GFM2: variants seen among roughly 807,000 people sequenced by gnomAD.
The protein encoded by GFM2 is ribosome-releasing factor 2, mitochondrial.
Under a neutral mutation model 95.4 loss-of-function variants are expected in GFM2, and 72 were observed. That is an observed-to-expected ratio of 0.76 (90% CI 0.62 to 0.92). The LOEUF (loss-of-function observed/expected upper bound fraction) is 0.92. GFM2 is among the 40% of genes least tolerant of loss of function. The probability of loss-of-function intolerance (pLI) is 0.00; values close to 1 mark genes in which losing one functional copy is unlikely to be tolerated. For synonymous variants in GFM2, 276 were observed against 317.5 expected, an observed-to-expected ratio of 0.87 and a Z score of 1.39; for missense variants, 825 against 924.1, an observed-to-expected ratio of 0.89 and a Z score of 1.39.
At chr5:74,736,100 G>A (rs963482350) in intron 15 of GFM2, among the ~76,000 whole-genome samples, 3 of 152,220 alleles carry the variant, frequency 2.0e-5, no homozygotes, top group African/African-American at 7.2e-5. Flanking sequence ...CTGGATCCCT[G>A]ATAACATTGT....
chr5:74,758,822 G>T, intron 5 of GFM2, 27 bp downstream of exon 5: 3 of 1,355,294 alleles, frequency 2.2e-6, no homozygotes, highest in Non-Finnish European at 3.2e-6. Flanking sequence ...TAATGGGGGG[G>T]TGGGAAGAGG....
At chr5:74,749,691 A>G (rs956415408) in intron 7 of GFM2, among the ~76,000 whole-genome samples, 13 of 152,208 alleles carry the variant, frequency 8.5e-5, no homozygotes, top group African/African-American at 2.9e-4. Context: ...TATTGCATTC[A>G]GGAAATTTAA....
In GFM2 at chr5:74,721,570, TCCAATAAATAAA is replaced by T; in HGVS notation, c.*73_*84del. On this transcript the variant is annotated 3_prime_UTR_variant, in exon 21 of 21. Transcript: ENST00000296805. ...ATGTACTGAAACAGTACTTTATTCGTCCAATAAATAAAGCAATAAAAATTGTTCTTACTGAAA... is the reference window on the plus strand; with the variant it reads ...ATGTACTGAAACAGTACTTTATTCGTGCAATAAAAATTGTTCTTACTGAAA... 7.3e-7 allele frequency: 1 copy of T among 1,368,216 alleles called. No individual in the cohort carries two copies. The highest frequency in any genetic ancestry group is 1.0e-6 in the Non-Finnish European group (1 of 973,820). 84.8% of individuals were successfully genotyped at this position (1,368,216 alleles called of 1,614,324 possible). A position where few individuals can be genotyped will look rare whatever the true frequency, so the allele number is the denominator to read the frequency against.
intron 1 of GFM2, chr5:74,765,029 A>G (rs1432346155): frequency 7.3e-6 from 5 of 687,616 alleles, no homozygotes; most frequent in African/African-American, 1.9e-5. Flanking sequence ...CAAGTGATCT[A>G]CCCACCTCGG....
chr5:74,737,156 T>C (rs545383366), intron 14 of GFM2, among the ~76,000 whole-genome samples, 171 bp from the exon 15 acceptor site: 12 of 152,334 alleles, frequency 7.9e-5, no homozygotes, highest in African/African-American at 2.9e-4. Flanking sequence ...GTAAAGCTAA[T>C]TTAACTTGCA....
intron 1 of GFM2, among the ~76,000 whole-genome samples, chr5:74,766,547 A>T (rs1744624851): frequency 6.6e-6 from 1 of 152,152 alleles, no homozygotes; most frequent in African/African-American, 2.4e-5. Flanking sequence ...ACTAAATACA[A>T]GTCCACTCAG....
In GFM2 at chr5:74,726,067, T is replaced by G. The variant is rs775994813; in HGVS notation, c.1786A>C (p.Arg596=). 2.5e-6 allele frequency: 4 copies of G among 1,613,266 alleles called. No homozygotes were observed. ...RHLVTVEVEA[R]PIETSSVMPV... Reference sequence around the variant, plus strand: ...ATAACAGATGATGTTTCAATTGGCCTTGCTTCCACTTCTACAGTCACAAGA... The same window carrying G: ...ATAACAGATGATGTTTCAATTGGCCGTGCTTCCACTTCTACAGTCACAAGA... Residue 596 remains arginine (R), a synonymous_variant, in exon 18 of 21, where the codon AGG becomes CGG. Transcript: ENST00000296805.
At position 74,736,805 on chromosome 5, in the gene GFM2, T is replaced by C; in HGVS notation, c.1501A>G (p.Lys501Glu). The C allele has an allele frequency of 6.2e-7, 1 of 1,613,926 alleles. No homozygotes were observed. Among genetic ancestry groups the C allele is most frequent in the Non-Finnish European group, 8.5e-7 (1 of 1,179,814 alleles). ...FCTIEPPSLS[K>E]QPDLEHALKC... is the part of the protein sequence containing the mutation. The stretch of plus-strand genomic sequence containing the variant: ...CTAAGACCATTTATACCTGGCTGCT[T>C]AGACAGTGATGGGGGTTCTATGGTA... The change falls in exon 15 of 21, where the codon AAG becomes GAG. Residue 501 changes from lysine to glutamate, a missense_variant. Coordinates refer to ENST00000296805, the MANE Select transcript of GFM2 (RefSeq NM_032380.5).
In GFM2 at chr5:74,733,086, G is replaced by T; in HGVS notation, c.1523C>A (p.Ala508Glu). 6.2e-7 allele frequency: 1 copy of T among 1,609,190 alleles called. No individual in the cohort carries two copies. Among genetic ancestry groups the T allele is most frequent in the Non-Finnish European group, 8.5e-7 (1 of 1,175,862 alleles). Residue 508 changes from alanine to glutamate, a missense_variant, in exon 16 of 21, where the codon GCG becomes GAG. By Grantham distance (107) the Ala-to-Glu change is moderately radical (BLOSUM62 -1). Transcript: ENST00000296805. ...SLSKQPDLEHALKCLQREDPS... is the reference protein window; with the variant it reads ...SLSKQPDLEHELKCLQREDPS... ...ATCTTCACGCTGAAGACATTTCAACGCATGTTCCAAATCTATGGGATAAAC... is the reference window on the plus strand; with the variant it reads ...ATCTTCACGCTGAAGACATTTCAACTCATGTTCCAAATCTATGGGATAAAC...
At chr5:74,749,110 C>T (rs1242338307) in intron 7 of GFM2, among the ~76,000 whole-genome samples, 1 of 151,688 alleles carries the variant, frequency 6.6e-6, no homozygotes, top group African/African-American at 2.4e-5. Flanking sequence ...CCCTGCTGGG[C>T]TCAAGCAATT....
chr5:74,745,223 T>G (rs1478604479), intron 10 of GFM2, among the ~76,000 whole-genome samples: 1 of 152,098 alleles, frequency 6.6e-6, no homozygotes, highest in African/African-American at 2.4e-5. Flanking sequence ...TGCGTGCCTG[T>G]AATCCCAGCT....
At chr5:74,746,062 A>G in intron 9 of GFM2, 43 bp downstream of exon 9, 1 of 1,343,034 alleles carries the variant, frequency 7.4e-7, no homozygotes, top group Non-Finnish European at 1.0e-6. Flanking sequence ...AAAATAAATT[A>G]ATGAGGAAAC....
intron 1 of GFM2, among the ~76,000 whole-genome samples, chr5:74,766,539 T>C (rs977133786): frequency 6.6e-6 from 1 of 152,170 alleles, no homozygotes; most frequent in Non-Finnish European, 1.5e-5. Flanking sequence ...AGGGGGCCAC[T>C]AAATACAAGT....
Position 74,721,514 on chromosome 5 carries a change from C to T in GFM2, c.*141G>A. 3 of 985,148 alleles carry T rather than the reference C, an allele frequency of 3.0e-6. No individual in the cohort carries two copies. In the South Asian group the frequency reaches 4.2e-5, roughly 14 times the overall value. The allele number at this position is 985,148 out of a possible 1,614,324, so 61.0% of individuals were successfully genotyped here. On this transcript the variant is annotated 3_prime_UTR_variant, in exon 21 of 21. Transcript: ENST00000296805. Reference sequence around the variant, plus strand: ...GGTGGCTCCAGTGCCACTATCAAAGCTTAAGTTATATCTTTTATCTAGTTC... The same window carrying T: ...GGTGGCTCCAGTGCCACTATCAAAGTTTAAGTTATATCTTTTATCTAGTTC...
Position 74,726,093 on chromosome 5 carries a change from T to G in GFM2, c.1760A>C (p.His587Pro), listed in dbSNP as rs529214882. The G allele has an allele frequency of 6.2e-7, 1 of 1,611,210 alleles. No individual in the cohort carries two copies. Among genetic ancestry groups the G allele is most frequent in the Admixed American group, 1.7e-5 (1 of 59,284 alleles). Residue 587 changes from histidine (H) to proline (P), a missense_variant, in exon 18 of 21, where the codon CAT (histidine) becomes CCT (proline). His to Pro is a moderately conservative substitution (Grantham distance 77). Coordinates refer to ENST00000296805, the MANE Select transcript of GFM2 (RefSeq NM_032380.5). ...TLDRTLGDKR[H>P]LVTVEVEARP... ...TGCTTCCACTTCTACAGTCACAAGATGCCTTTTGTCTCCTAAAGTTCTATC... is the reference window on the plus strand; with the variant it reads ...TGCTTCCACTTCTACAGTCACAAGAGGCCTTTTGTCTCCTAAAGTTCTATC...
intron 6 of GFM2, 123 bp from the exon 7 acceptor site, chr5:74,750,790 T>C: frequency 3.0e-6 from 2 of 659,446 alleles, no homozygotes; most frequent in Non-Finnish European, 2.6e-6. Flanking sequence ...TATATAAAGG[T>C]ATTGAAAGCA....
chr5:74,728,770 T>TTTTTTTGTGA (rs756604027), intron 17 of GFM2, among the ~76,000 whole-genome samples: 1 of 113,840 alleles, frequency 8.8e-6, no homozygotes, highest in Admixed American at 8.7e-5. Flanking sequence ...TTTTTTTTTT[T>TTTTTTTGTGA]TTTTGAGATG....
intron 7 of GFM2, 39 bp downstream of exon 7, chr5:74,750,540 T>C (rs750325766): frequency 7.1e-7 from 1 of 1,413,034 alleles, no homozygotes; most frequent in East Asian, 2.3e-5. Context: ...TAAAAAATCA[T>C]GCTGTTCTAA....
chr5:74,721,741 T>C lies in GFM2; in HGVS notation c.2254A>G (p.Thr752Ala). ...VLRTLTSGSA[T>A]FALELSTYQA... is the part of the protein sequence containing the mutation. ...TAAGTAGATAGTTCTAAGGCAAAAG[T>C]AGCTGAGCCTGATGTTAGCGTTCGA... Residue 752 changes from threonine to alanine, a missense_variant, in exon 21 of 21, where the codon ACT (threonine) becomes GCT (alanine). Coordinates refer to ENST00000296805, the MANE Select transcript of GFM2 (RefSeq NM_032380.5). 6.2e-7 allele frequency: 1 copy of C among 1,613,614 alleles called. No homozygotes were observed. Among genetic ancestry groups the C allele is most frequent in the Non-Finnish European group, 8.5e-7 (1 of 1,179,668 alleles).
Sources: allele counts gnomAD v4.1 joint callset (sites outside exome capture counted in the v4.1 genomes callset), GRCh38; gene constraint gnomAD v4.1.1; transcripts MANE v1.5; gene names NCBI Gene and HGNC (gene_info 2026-07-23, HGNC 2026-07-21).